Variants in SYNDIG1 observed in about 807,000 individuals in gnomAD.
The protein encoded by SYNDIG1 is synapse differentiation inducing 1, also known as synapse differentiation-inducing gene protein 1.
In SYNDIG1, 9 loss-of-function variants were observed where a neutral mutation model predicts 19.4. The observed-to-expected ratio is 0.46, with a 90% confidence interval of 0.28 to 0.81. The LOEUF (loss-of-function observed/expected upper bound fraction) is 0.81. Among genes scored for constraint, SYNDIG1 ranks in the 30% least tolerant of loss-of-function variants. The probability of loss-of-function intolerance (pLI) is 0.12; values close to 1 mark genes in which losing one functional copy is unlikely to be tolerated. For missense variants in SYNDIG1, 311 were observed against 343.3 expected, an observed-to-expected ratio of 0.91 and a Z score of 0.74; for synonymous variants, 141 against 145.9, an observed-to-expected ratio of 0.97 and a Z score of 0.24.
At chr20:24,633,369 T>C (rs1349860754) in intron 3 of SYNDIG1, among the ~76,000 whole-genome samples, 1 of 152,172 alleles carries the variant, frequency 6.6e-6, no homozygotes, top group Non-Finnish European at 1.5e-5. Flanking sequence ...GAGTGCGTGA[T>C]GCCCCTGCTG....
At chr20:24,536,546 CTG>C (rs2057365359) in intron 1 of SYNDIG1, among the ~76,000 whole-genome samples, 1 of 152,174 alleles carries the variant, frequency 6.6e-6, no homozygotes, top group Admixed American at 6.5e-5. Context: ...ATAGCCACCT[CTG>C]TGTTAGAAAC....
intron 3 of SYNDIG1, among the ~76,000 whole-genome samples, chr20:24,648,277 T>C (rs1425090183): frequency 3.9e-5 from 6 of 152,184 alleles, no homozygotes; most frequent in African/African-American, 1.2e-4. Context: ...TGGGCACTTT[T>C]CCTTTTAAGA....
At position 24,512,201 on chromosome 20, in the gene SYNDIG1, T is replaced by A. The variant is rs1214090742; in HGVS notation, c.-78-30819T>A. Among the ~76,000 whole-genome samples the A allele has an allele frequency of 2.1e-5, 3 of 143,750 alleles. No individual in the cohort carries two copies. In the South Asian group the frequency reaches 6.7e-4, roughly 32 times the overall value. The allele number at this position is 143,750 out of a possible 152,430, so 94.3% of individuals were successfully genotyped here. A position where few individuals can be genotyped will look rare whatever the true frequency, so the allele number is the denominator to read the frequency against. ...AATAGGAACAGCTCCAGTCAACAGC[T>A]CCCAGCGTGAGCGATGAAGAAGATG... On this transcript the variant is annotated intron_variant, in intron 1 of 3. Coordinates refer to ENST00000376862, the MANE Select transcript of SYNDIG1 (RefSeq NM_024893.3).
rs981095073 is a variant in SYNDIG1 at position 24,478,813 on chromosome 20, G to A, written c.-79+9060G>A. On this transcript the variant is annotated intron_variant, in intron 1 of 3. Transcript: ENST00000376862. ...GCACTTAGAAAAGTCAGGGAGAACA[G>A]AAGCCTCCCACAGAACTCACAGGCA... 5.3e-5 allele frequency among the ~76,000 whole-genome samples: 8 copies of A among 152,202 alleles called. 1 individual carries two copies. Among genetic ancestry groups the A allele is most frequent in the Admixed American group, 5.2e-4 (8 of 15,286 alleles).
intron 1 of SYNDIG1, among the ~76,000 whole-genome samples, chr20:24,511,464 T>A (rs1055033966): frequency 6.6e-6 from 1 of 151,980 alleles, no homozygotes; most frequent in Non-Finnish European, 1.5e-5. Flanking sequence ...ATGGGCAGGG[T>A]GATTCTGGAT....
chr20:24,660,082 A>T (rs1038613240), intron 3 of SYNDIG1, among the ~76,000 whole-genome samples: 1 of 152,180 alleles, frequency 6.6e-6, no homozygotes, highest in Non-Finnish European at 1.5e-5. Context: ...TGTGTCTCTG[A>T]AATTTATTCC....
chr20:24,559,874 G>C (rs189902206), intron 2 of SYNDIG1, among the ~76,000 whole-genome samples: 179 of 151,448 alleles, frequency 1.2e-3, no homozygotes, highest in African/African-American at 4.2e-3. Flanking sequence ...GTCTTTTGTG[G>C]TTTTTTTCTC....
intron 3 of SYNDIG1, among the ~76,000 whole-genome samples, chr20:24,601,854 T>C (rs2058684446): frequency 6.6e-6 from 1 of 152,154 alleles, no homozygotes; most frequent in Non-Finnish European, 1.5e-5. Context: ...TGGTAAACAC[T>C]CTCTGTTTTA....
At position 24,665,681 on chromosome 20, in the gene SYNDIG1, C is replaced by T; in HGVS notation, c.*177C>T. 1.3e-6 allele frequency: 1 copy of T among 784,368 alleles called. No individual in the cohort carries two copies. Among genetic ancestry groups the T allele is most frequent in the Non-Finnish European group, 1.9e-6 (1 of 526,162 alleles). The allele number at this position is 784,368 out of a possible 1,614,324, so 48.6% of individuals were successfully genotyped here. Reference sequence around the variant, plus strand: ...ATCCTTTAATTTCATGTTCACAGCACTGTGTAGAGCACCAGACAGACGGGC... The same window carrying T: ...ATCCTTTAATTTCATGTTCACAGCATTGTGTAGAGCACCAGACAGACGGGC... On this transcript the variant is annotated 3_prime_UTR_variant, in exon 4 of 4. Transcript: ENST00000376862.
chr20:24,535,453 C>A (rs892077848), intron 1 of SYNDIG1, among the ~76,000 whole-genome samples: 1 of 152,118 alleles, frequency 6.6e-6, no homozygotes, highest in Non-Finnish European at 1.5e-5. Flanking sequence ...CCAAGATAGA[C>A]GGGCTTTTAA....
chr20:24,529,640 C>A (rs536242243), intron 1 of SYNDIG1, among the ~76,000 whole-genome samples: 1 of 152,250 alleles, frequency 6.6e-6, no homozygotes, highest in African/African-American at 2.4e-5. Context: ...AATGTGAAAA[C>A]CATTCTTAGC....
chr20:24,605,428 C>T (rs2058742779), intron 3 of SYNDIG1, among the ~76,000 whole-genome samples: 1 of 152,222 alleles, frequency 6.6e-6, no homozygotes, highest in Non-Finnish European at 1.5e-5. Flanking sequence ...TCCTCTCTCT[C>T]TCTCCCTCCC....
intron 2 of SYNDIG1, among the ~76,000 whole-genome samples, chr20:24,582,709 A>G (rs770115287): frequency 3.9e-5 from 6 of 152,218 alleles, no homozygotes; most frequent in Admixed American, 1.3e-4. Flanking sequence ...TAATGATGGC[A>G]ATTTTCATAT....
At chr20:24,565,245 G>A (rs1476930087) in intron 2 of SYNDIG1, among the ~76,000 whole-genome samples, 3 of 152,208 alleles carry the variant, frequency 2.0e-5, no homozygotes, top group African/African-American at 7.2e-5. Flanking sequence ...ACAAGAATAT[G>A]TGAAGGAAGG....
At position 24,665,358 on chromosome 20, in the gene SYNDIG1, G is replaced by C; in HGVS notation, c.631G>C (p.Val211Leu). Residue 211 changes from valine (V) to leucine (L), a missense_variant, in exon 4 of 4, where the codon GTG (valine) becomes CTG (leucine). Coordinates refer to ENST00000376862, the MANE Select transcript of SYNDIG1 (RefSeq NM_024893.3). ...TCCAACTCTGCAGACCAACAAAGCC[G>C]TGGCCAAGGGGGACTTGCACCAGGC... ...FYLSHETNKA[V>L]AKGDLHQAST... is the part of the protein sequence containing the mutation. The C allele has an allele frequency of 6.3e-7, 1 of 1,599,930 alleles. No homozygotes were observed. The highest frequency in any genetic ancestry group is 8.5e-7 in the Non-Finnish European group (1 of 1,175,338).
chr20:24,523,039 G>C (rs1196597878), intron 1 of SYNDIG1, among the ~76,000 whole-genome samples: 1 of 152,116 alleles, frequency 6.6e-6, no homozygotes, highest in Admixed American at 6.5e-5. Context: ...GATTTGGAGG[G>C]GACACACAAG....
chr20:24,542,421 A>G (rs984846442), intron 1 of SYNDIG1, among the ~76,000 whole-genome samples: 2 of 152,292 alleles, frequency 1.3e-5, no homozygotes, highest in Admixed American at 1.3e-4. Flanking sequence ...CATTTCCAAC[A>G]AGCTCCCAGC....
intron 3 of SYNDIG1, among the ~76,000 whole-genome samples, chr20:24,586,759 G>A (rs2058424563): frequency 6.6e-6 from 1 of 152,244 alleles, no homozygotes; most frequent in Non-Finnish European, 1.5e-5. Flanking sequence ...GTGCTGGGTG[G>A]ATGGAAGCCC....
chr20:24,519,860 C>A (rs916339974), intron 1 of SYNDIG1, among the ~76,000 whole-genome samples: 21 of 152,048 alleles, frequency 1.4e-4, no homozygotes, highest in African/African-American at 5.1e-4. Flanking sequence ...CACACACACC[C>A]CACCACCACC....
Sources: allele counts gnomAD v4.1 joint callset (sites outside exome capture counted in the v4.1 genomes callset), GRCh38; gene constraint gnomAD v4.1.1; transcripts MANE v1.5; gene names NCBI Gene and HGNC (gene_info 2026-07-23, HGNC 2026-07-21).